Variants in RELN observed in about 807,000 individuals in gnomAD.
The protein encoded by RELN is reelin.
In RELN, 108 loss-of-function variants were observed where a neutral mutation model predicts 427.6. The ratio of observed to expected loss-of-function variants is 0.25; its 90% confidence interval spans 0.22 to 0.30. The LOEUF (loss-of-function observed/expected upper bound fraction) is 0.30, where lower values mean the gene tolerates loss of function less well. RELN is among the 10% of genes least tolerant of loss of function. RELN has a pLI of 1.00. For missense variants in RELN, 3,715 were observed against 4,302.8 expected (o/e 0.86, Z 3.82); for synonymous variants, 1,524 against 1,513.4 (o/e 1.01, Z -0.16).
chr7:103,949,852 C>A (rs1281027738), intron 1 of RELN, among the ~76,000 whole-genome samples: 2 of 152,126 alleles, frequency 1.3e-5, no homozygotes, highest in African/African-American at 4.8e-5. Context: ...ATTACAAGAT[C>A]CATAGTTAGT....
At chr7:103,872,019 T>TAC (rs1456801744) in intron 2 of RELN, among the ~76,000 whole-genome samples, 1 of 100,718 alleles carries the variant, frequency 9.9e-6, no homozygotes, top group African/African-American at 3.7e-5. Context: ...TATGAATATA[T>TAC]ATATATATAT....
At chr7:103,556,863 G>T in intron 38 of RELN, 114 bp downstream of exon 38, 1 of 865,848 alleles carries the variant, frequency 1.2e-6, no homozygotes, top group Non-Finnish European at 2.0e-6. Context: ...TAAAATGTGT[G>T]TGCTGTGGAC....
Position 103,572,196 on chromosome 7 carries a change from T to C in RELN, c.4576A>G (p.Thr1526Ala), listed in dbSNP as rs1393256777. 1.9e-6 allele frequency: 3 copies of C among 1,570,234 alleles called. No individual in the cohort carries two copies. Among genetic ancestry groups the C allele is most frequent in the Middle Eastern group, 3.4e-4 (2 of 5,968 alleles). Reference protein sequence around the residue: ...TSGITCIKPRTRNEGLIVQYS... With the variant: ...TSGITCIKPRARNEGLIVQYS... ...TACAGCAGCTTACCTTCATTTCTAGTTCTTGGTTTGATGCAGGTAATGCCT... is the reference window on the plus strand; with the variant it reads ...TACAGCAGCTTACCTTCATTTCTAGCTCTTGGTTTGATGCAGGTAATGCCT... Residue 1526 changes from threonine (T) to alanine (A), a missense_variant, in exon 31 of 65, where the codon ACT becomes GCT. Physicochemically the swap from Thr to Ala is moderately conservative, Grantham distance 58. Transcript: ENST00000428762.
intron 2 of RELN, among the ~76,000 whole-genome samples, chr7:103,899,735 A>T (rs1419629269): frequency 2.0e-5 from 3 of 152,190 alleles, no homozygotes; most frequent in Non-Finnish European, 4.4e-5. Context: ...AAGGCCTTTG[A>T]CAAAATTCAA....
chr7:103,973,965 A>G (rs1277370234), intron 1 of RELN, among the ~76,000 whole-genome samples: 2 of 152,170 alleles, frequency 1.3e-5, no homozygotes, highest in Admixed American at 1.3e-4. Flanking sequence ...CAACATGGTG[A>G]AACCCCATCT....
chr7:103,722,245 A>G (rs1308403496), intron 8 of RELN, among the ~76,000 whole-genome samples: 1 of 152,182 alleles, frequency 6.6e-6, no homozygotes, highest in Non-Finnish European at 1.5e-5. Context: ...AATCAACCAC[A>G]GTGGGCTCCT....
At chr7:103,939,150 T>C (rs1456074597) in intron 1 of RELN, among the ~76,000 whole-genome samples, 2 of 152,168 alleles carry the variant, frequency 1.3e-5, no homozygotes, top group African/African-American at 4.8e-5. Context: ...GGTTTCACCA[T>C]GTTGGCCAGG....
At chr7:103,505,591 G>A (rs1829181868) in intron 51 of RELN, among the ~76,000 whole-genome samples, 1 of 152,188 alleles carries the variant, frequency 6.6e-6, no homozygotes, top group Non-Finnish European at 1.5e-5. Context: ...ACCAAAGGTA[G>A]ATAAATCCAC....
chr7:103,877,222 C>G (rs776341925), intron 2 of RELN, among the ~76,000 whole-genome samples: 2 of 152,138 alleles, frequency 1.3e-5, no homozygotes, highest in Non-Finnish European at 2.9e-5. Flanking sequence ...TACTTGTCAT[C>G]TATGGAAAAC....
intron 1 of RELN, among the ~76,000 whole-genome samples, chr7:103,976,910 G>C (rs1796890171): frequency 6.6e-6 from 1 of 152,080 alleles, no homozygotes; most frequent in African/African-American, 2.4e-5. Flanking sequence ...AAATGAGTGG[G>C]GTATGGTGGC....
chr7:103,930,093 G>T (rs1382286770), intron 1 of RELN, among the ~76,000 whole-genome samples: 4 of 152,184 alleles, frequency 2.6e-5, no homozygotes, highest in Admixed American at 2.6e-4. Context: ...CACAGATGGG[G>T]TGGTATAAAC....
Position 103,779,095 on chromosome 7 carries a change from C to T in RELN, c.474-2468G>A, listed in dbSNP as rs544892559. Among the ~76,000 whole-genome samples, 26 of 152,240 alleles carry T rather than the reference C, an allele frequency of 1.7e-4. No individual in the cohort carries two copies. In the East Asian group the frequency reaches 2.5e-3, roughly 15 times the overall value. On this transcript the variant is annotated intron_variant, in intron 3 of 64. Transcript: ENST00000428762. ...AAGATCTGATTTCAGGTCTTAGATT[C>T]GAGGCCTTGGATTCTTTCCCTTGCA...
intron 1 of RELN, among the ~76,000 whole-genome samples, chr7:103,977,310 CAAAAAA>C (rs201026012): frequency 2.3e-4 from 20 of 88,260 alleles, no homozygotes; most frequent in African/African-American, 8.8e-4. Flanking sequence ...GACTCTGTCT[CAAAAAA>C]AAAAAAAAAA....
chr7:103,771,460 G>A (rs1045741864), intron 4 of RELN, among the ~76,000 whole-genome samples: 7 of 151,996 alleles, frequency 4.6e-5, no homozygotes, highest in Admixed American at 2.0e-4. Flanking sequence ...CATTGCCTCC[G>A]CAGCATCAAT....
intron 10 of RELN, among the ~76,000 whole-genome samples, chr7:103,685,432 T>C (rs1833746681): frequency 6.6e-6 from 1 of 152,124 alleles, no homozygotes; most frequent in Non-Finnish European, 1.5e-5. Context: ...GAAAATCTAC[T>C]AGGTTTTCTT....
At chr7:103,592,706 A>C (rs1831447431) in intron 27 of RELN, among the ~76,000 whole-genome samples, 1 of 152,202 alleles carries the variant, frequency 6.6e-6, no homozygotes, top group Admixed American at 6.5e-5. Flanking sequence ...ATACCTACAC[A>C]ACCATGGTTT....
At chr7:103,914,487 T>C (rs889439826) in intron 2 of RELN, among the ~76,000 whole-genome samples, 5 of 152,146 alleles carry the variant, frequency 3.3e-5, no homozygotes, top group African/African-American at 1.2e-4. Flanking sequence ...ATAGGAAGTG[T>C]ATATAAGCCC....
intron 28 of RELN, among the ~76,000 whole-genome samples, chr7:103,576,059 T>C (rs1830994564): frequency 6.6e-6 from 1 of 152,082 alleles, no homozygotes; most frequent in Non-Finnish European, 1.5e-5. Context: ...GGTGAAACCC[T>C]GTCTCTACTA....
chr7:103,482,721 A>G, intron 63 of RELN, 152 bp downstream of exon 63: 1 of 1,501,554 alleles, frequency 6.7e-7, no homozygotes, highest in Non-Finnish European at 8.9e-7. Context: ...GATTTGAGCT[A>G]TAGCTTGCAG....
Sources: gnomAD v4.1 joint callset for allele counts (sites outside exome capture counted in the v4.1 genomes callset) on GRCh38, gnomAD v4.1.1 for gene constraint, MANE v1.5 for transcripts, NCBI Gene and HGNC (gene_info 2026-07-23, HGNC 2026-07-21) for gene names.